Variants in PPFIBP1 observed in about 807,000 individuals in gnomAD.
PPFIBP1 encodes the protein liprin-beta-1.
Under a neutral mutation model 137.8 loss-of-function variants are expected in PPFIBP1, and 112 were observed. The observed-to-expected ratio is 0.81, with a 90% CI of 0.70 to 0.95. The LOEUF is 0.95. Among genes scored for constraint, PPFIBP1 ranks in the 40% least tolerant of loss-of-function variants. The pLI is 0.00. For missense variants in PPFIBP1, 1,083 were observed against 1,196.6 expected (o/e 0.91, Z 1.40); for synonymous variants, 378 against 417.3 (o/e 0.91, Z 1.15).
Position 27,679,488 on chromosome 12 carries a change from G to A in PPFIBP1, c.1616-1G>A. 6.2e-7 allele frequency: 1 copy of A among 1,608,408 alleles called. No homozygotes were observed. The highest frequency in any genetic ancestry group is 8.5e-7 in the Non-Finnish European group (1 of 1,178,532). ...TTGTCTGCATTCTGCTCTTGGAGTA[G>A]CTGAAACAGAAAAAGAGACAGCAGA... On this transcript the variant is annotated splice_acceptor_variant, in intron 19 of 29. Coordinates refer to ENST00000228425, the MANE Select transcript of PPFIBP1 (RefSeq NM_003622.4). LOFTEE classifies it high-confidence loss of function.
chr12:27,647,294 C>T (rs1593110122), intron 5 of PPFIBP1, among the ~76,000 whole-genome samples: 3 of 151,932 alleles, frequency 2.0e-5, no homozygotes, highest in African/African-American at 7.3e-5. Context: ...AGCCACCGTG[C>T]ATGCTACCTC....
chr12:27,527,063 T>C (rs1194630637), intron 1 of PPFIBP1, among the ~76,000 whole-genome samples: 3 of 152,160 alleles, frequency 2.0e-5, no homozygotes, highest in Admixed American at 6.5e-5. Context: ...AGGTCATTTT[T>C]CCCCTCAGTT....
At chr12:27,562,783 A>G (rs2049269433) in intron 1 of PPFIBP1, among the ~76,000 whole-genome samples, 1 of 152,168 alleles carries the variant, frequency 6.6e-6, no homozygotes, top group Non-Finnish European at 1.5e-5. Context: ...CTGAACCGCA[A>G]TGTTGTTGGT....
At chr12:27,601,679 AGCTGAGTT>A (rs2054008391) in intron 2 of PPFIBP1, among the ~76,000 whole-genome samples, 2 of 122,796 alleles carry the variant, frequency 1.6e-5, no homozygotes, top group Non-Finnish European at 4.0e-5. Flanking sequence ...AACTGACCTC[AGCTGAGTT>A]GTTTATGCAT....
intron 5 of PPFIBP1, among the ~76,000 whole-genome samples, chr12:27,646,591 T>C (rs1263551781): frequency 6.6e-6 from 1 of 152,094 alleles, no homozygotes; most frequent in Non-Finnish European, 1.5e-5. Flanking sequence ...AATTCAGATA[T>C]ATGAATATAG....
Position 27,658,820 on chromosome 12 carries a change from A to T in PPFIBP1, c.816A>T (p.Glu272Asp). The change falls in exon 10 of 30, where the codon GAA (glutamate) becomes GAT (aspartate). Residue 272 changes from glutamate to aspartate, a missense_variant. Physicochemically the swap from Glu to Asp is conservative, Grantham distance 45. Transcript: ENST00000228425. ...CCAATGGGTTTTCCTGCACAGATGA[A>T]AATTTTAAAAAGAAGCTCAAAGAAA... is the stretch of plus-strand genomic sequence containing the variant. ...GEGVEIVDRD[E>D]NFKKKLKEKN... 6.2e-7 allele frequency: 1 copy of T among 1,612,912 alleles called. No individual in the cohort carries two copies.
intron 2 of PPFIBP1, among the ~76,000 whole-genome samples, chr12:27,581,627 T>G (rs538013669): frequency 6.6e-6 from 1 of 152,200 alleles, no homozygotes; most frequent in Non-Finnish European, 1.5e-5. Context: ...TCACTTTCAT[T>G]ATTATGTGGG....
intron 4 of PPFIBP1, 122 bp from the exon 5 acceptor site, chr12:27,645,940 C>T (rs1478868962): frequency 4.4e-6 from 3 of 686,212 alleles, no homozygotes; most frequent in East Asian, 5.6e-5. Context: ...TTCTGTTTGA[C>T]AGTGACAGCT....
At chr12:27,542,899 G>A (rs1466616402) in intron 1 of PPFIBP1, among the ~76,000 whole-genome samples, 1 of 152,144 alleles carries the variant, frequency 6.6e-6, no homozygotes, top group Non-Finnish European at 1.5e-5. Context: ...CTTACACATA[G>A]TTGAGATTTT....
intron 1 of PPFIBP1, among the ~76,000 whole-genome samples, chr12:27,527,175 C>T (rs568675413): frequency 1.4e-4 from 22 of 152,074 alleles, no homozygotes; most frequent in African/African-American, 5.1e-4. Context: ...ATTAACTTTT[C>T]GTTTATATCC....
chr12:27,591,548 C>T (rs563555150), intron 2 of PPFIBP1, among the ~76,000 whole-genome samples: 5 of 152,270 alleles, frequency 3.3e-5, no homozygotes, highest in Admixed American at 3.3e-4. Context: ...AGAATTGACT[C>T]TTAATTAACT....
chr12:27,585,197 G>A (rs1256426444), intron 2 of PPFIBP1, among the ~76,000 whole-genome samples: 3 of 152,182 alleles, frequency 2.0e-5, no homozygotes, highest in African/African-American at 7.2e-5. Flanking sequence ...ATTTAGAAAT[G>A]CAATGGCTTT....
At chr12:27,533,475 ATG>A (rs1311889083) in intron 1 of PPFIBP1, among the ~76,000 whole-genome samples, 2 of 152,194 alleles carry the variant, frequency 1.3e-5, no homozygotes, top group Non-Finnish European at 2.9e-5. Context: ...CACACAGATC[ATG>A]TGTGTCAGAC....
At chr12:27,567,206 G>A (rs2136551831) in intron 1 of PPFIBP1, among the ~76,000 whole-genome samples, 1 of 152,202 alleles carries the variant, frequency 6.6e-6, no homozygotes, top group South Asian at 2.1e-4. Context: ...CAATAACTCA[G>A]GTTCTTCAGT....
Position 27,579,082 on chromosome 12 carries a change from C to T in PPFIBP1, c.-36+843C>T, listed in dbSNP as rs187448684. Reference sequence around the variant, plus strand: ...GACTGTGATTCTCACCCTTTAAAACCTTGGCTGGAGTCACAGAAAGAAAGG... The same window carrying T: ...GACTGTGATTCTCACCCTTTAAAACTTTGGCTGGAGTCACAGAAAGAAAGG... On this transcript the variant is annotated intron_variant, in intron 2 of 29. Transcript: ENST00000228425. 1.8e-4 allele frequency among the ~76,000 whole-genome samples: 27 copies of T among 152,326 alleles called. 1 individual carries two copies. Among genetic ancestry groups the T allele is most frequent in the African/African-American group, 5.5e-4 (23 of 41,572 alleles).
intron 4 of PPFIBP1, chr12:27,636,094 G>C (rs1379868973): frequency 6.6e-6 from 1 of 152,182 alleles, no homozygotes; most frequent in Non-Finnish European, 1.5e-5. Flanking sequence ...GGAACCTTAA[G>C]AGTACATCCT....
chr12:27,675,708 C>T (rs920362849), intron 17 of PPFIBP1, among the ~76,000 whole-genome samples: 1 of 152,102 alleles, frequency 6.6e-6, no homozygotes, highest in Non-Finnish European at 1.5e-5. Context: ...ACATATAAGA[C>T]CAGAAACTAT....
chr12:27,574,095 T>C (rs1198354210), intron 1 of PPFIBP1, among the ~76,000 whole-genome samples: 1 of 152,074 alleles, frequency 6.6e-6, no homozygotes, highest in African/African-American at 2.4e-5. Context: ...TGGAATCATA[T>C]AAACCTATCT....
At chr12:27,595,881 AAC>A (rs56819825) in intron 2 of PPFIBP1, among the ~76,000 whole-genome samples, 2,386 of 32,498 alleles carry the variant, frequency 0.073, 34 homozygotes, top group Non-Finnish European at 0.1. Context: ...CAACAACAAC[AAC>A]AAAATATATA....
Sources: gnomAD v4.1 joint callset for allele counts (sites outside exome capture counted in the v4.1 genomes callset) on GRCh38, gnomAD v4.1.1 for gene constraint, MANE v1.5 for transcripts, NCBI Gene and HGNC (gene_info 2026-07-23, HGNC 2026-07-21) for gene names.